Variants in MATN2 observed in about 807,000 individuals in gnomAD.
MATN2 encodes matrilin 2.
A neutral mutation model predicts 103.2 loss-of-function variants in MATN2; 69 were observed. That is an observed-to-expected ratio of 0.67 (90% CI 0.55 to 0.82). The LOEUF is 0.82. Ranked by LOEUF, MATN2 falls within the 40% of genes least tolerant of loss-of-function variation. MATN2 has a pLI of 0.00. For synonymous variants in MATN2, 429 were observed against 450.2 expected (o/e 0.95, Z 0.60); for missense variants, 1,023 against 1,211.5 (o/e 0.84, Z 2.31).
At chr8:97,973,484 C>T (rs745309384) in intron 5 of MATN2, among the ~76,000 whole-genome samples, 1 of 151,542 alleles carries the variant, frequency 6.6e-6, no homozygotes, top group Non-Finnish European at 1.5e-5. Flanking sequence ...ATTTAAAACA[C>T]ATAAATGTAT....
intron 1 of MATN2, among the ~76,000 whole-genome samples, chr8:97,880,209 G>A (rs939088201): frequency 6.6e-6 from 1 of 151,154 alleles, no homozygotes; most frequent in African/African-American, 2.4e-5. Flanking sequence ...TCAGCCTCCC[G>A]AGTAGCTGGA....
intron 11 of MATN2, among the ~76,000 whole-genome samples, chr8:98,016,993 C>T (rs772444125): frequency 2.6e-5 from 4 of 151,980 alleles, no homozygotes; most frequent in Non-Finnish European, 5.9e-5. Context: ...TCAATTTTTG[C>T]GTAAATCTAA....
chr8:98,032,854 T>C (rs1167967262), intron 16 of MATN2, among the ~76,000 whole-genome samples, 188 bp from the exon 17 acceptor site: 1 of 151,534 alleles, frequency 6.6e-6, no homozygotes, highest in Non-Finnish European at 1.5e-5. Context: ...TTTTTTGTTG[T>C]TGTTGTTTTT....
chr8:97,914,201 G>C (rs540279295), intron 2 of MATN2, among the ~76,000 whole-genome samples: 2 of 152,146 alleles, frequency 1.3e-5, no homozygotes, highest in South Asian at 4.2e-4. Flanking sequence ...GGGGAAGCAG[G>C]GTTGGGGGTC....
intron 10 of MATN2, among the ~76,000 whole-genome samples, 159 bp from the exon 11 acceptor site, chr8:98,016,381 A>C (rs967822876): frequency 6.6e-6 from 1 of 152,164 alleles, no homozygotes; most frequent in African/African-American, 2.4e-5. Context: ...TCAAAAAAGA[A>C]TTTTTGCTCA....
intron 1 of MATN2, among the ~76,000 whole-genome samples, chr8:97,885,819 T>A (rs1563645064): frequency 1.3e-5 from 2 of 151,984 alleles, no homozygotes; most frequent in African/African-American, 4.8e-5. Context: ...TTTAAATGGT[T>A]TAAAAAGGGG....
chr8:97,931,893 A>G lies in MATN2; in HGVS notation c.712+371A>G, dbSNP rs529755550. ...TATTTTTTAACTATTTGTAGAGACAACGTTTCGCCATGTTGCCCAGGCTGA... is the reference window on the plus strand; with the variant it reads ...TATTTTTTAACTATTTGTAGAGACAGCGTTTCGCCATGTTGCCCAGGCTGA... On this transcript the variant is annotated intron_variant, in intron 3 of 18. Coordinates refer to ENST00000254898, the MANE Select transcript of MATN2 (RefSeq NM_002380.5). This position sits in a 1 kb window ranked among gnomAD's most constrained non-coding sequence, Gnocchi z 4.1. 6.3e-3 allele frequency among the ~76,000 whole-genome samples: 960 copies of G among 152,152 alleles called. 3 individuals carry two copies. Among genetic ancestry groups the G allele is most frequent in the Non-Finnish European group, 0.01 (710 of 67,984 alleles).
At chr8:97,947,325 C>A (rs1300897180) in intron 4 of MATN2, among the ~76,000 whole-genome samples, 1 of 152,182 alleles carries the variant, frequency 6.6e-6, no homozygotes, top group Non-Finnish European at 1.5e-5. Flanking sequence ...GCCAAGATTG[C>A]ACCACTGCAC....
intron 2 of MATN2, among the ~76,000 whole-genome samples, chr8:97,922,507 C>T (rs541259781): frequency 6.6e-6 from 1 of 152,266 alleles, no homozygotes; most frequent in South Asian, 2.1e-4. Context: ...AAATTGAGTA[C>T]TTCAATCTTT....
intron 10 of MATN2, among the ~76,000 whole-genome samples, chr8:98,012,415 G>A (rs1813202355): frequency 6.6e-6 from 1 of 152,112 alleles, no homozygotes; most frequent in Non-Finnish European, 1.5e-5. Context: ...AGGGGGCTGT[G>A]GGAGCCTCCC....
At chr8:98,008,142 A>T (rs1251998309) in intron 10 of MATN2, among the ~76,000 whole-genome samples, 1 of 151,514 alleles carries the variant, frequency 6.6e-6, no homozygotes, top group African/African-American at 2.4e-5. Flanking sequence ...CTGCTTTCTG[A>T]CCCCGGTGAT....
At chr8:97,953,090 T>C (rs1246589484) in intron 4 of MATN2, among the ~76,000 whole-genome samples, 1 of 151,988 alleles carries the variant, frequency 6.6e-6, no homozygotes, top group Non-Finnish European at 1.5e-5. Context: ...GCCTGGCTAA[T>C]TTTTTAATTT....
intron 2 of MATN2, among the ~76,000 whole-genome samples, chr8:97,907,069 C>T (rs1429454977): frequency 2.1e-5 from 3 of 142,790 alleles, no homozygotes; most frequent in African/African-American, 5.3e-5. Context: ...GGTGCAATCT[C>T]GGCTCACTGC....
intron 3 of MATN2, among the ~76,000 whole-genome samples, chr8:97,938,894 AT>A (rs1414935674): frequency 6.6e-6 from 1 of 151,674 alleles, no homozygotes; most frequent in Non-Finnish European, 1.5e-5. Context: ...TTGTTTGTTT[AT>A]TTTTTGAGAC....
intron 1 of MATN2, among the ~76,000 whole-genome samples, chr8:97,883,867 T>A (rs907128233): frequency 1.3e-5 from 2 of 152,072 alleles, no homozygotes; most frequent in African/African-American, 4.8e-5. Flanking sequence ...TTTTTGTATT[T>A]TTTATAGAGA....
At chr8:98,012,249 C>T (rs935393505) in intron 10 of MATN2, among the ~76,000 whole-genome samples, 4 of 151,936 alleles carry the variant, frequency 2.6e-5, no homozygotes, top group Non-Finnish European at 4.4e-5. Context: ...GATGCAGATT[C>T]GGTTTGTGCC....
Position 98,033,039 on chromosome 8 carries a change from C to G in MATN2, c.2582-3C>G, listed in dbSNP as rs1158451213. 3 of 1,599,626 alleles carry G rather than the reference C, an allele frequency of 1.9e-6. No homozygotes were observed. The highest frequency in any genetic ancestry group is 2.6e-6 in the Non-Finnish European group (3 of 1,175,772). ...TTGATTGCAGTTTTCTTTCTCTTTA[C>G]AGAATCTGAGCCAGTCACCATAAAT... On this transcript the variant is annotated splice_polypyrimidine_tract_variant and splice_region_variant and intron_variant, in intron 16 of 18. Transcript: ENST00000254898.
chr8:98,021,044 C>T, intron 12 of MATN2, 161 bp from the exon 13 acceptor site: 1 of 596,808 alleles, frequency 1.7e-6, no homozygotes, highest in South Asian at 2.1e-5. Flanking sequence ...AGCTTTTTCC[C>T]CATCCTGAGT....
rs78994950 is a variant in MATN2 at position 97,929,435 on chromosome 8, G to T, written c.143-1518G>T. Among the ~76,000 whole-genome samples the T allele has an allele frequency of 2.4e-3, 371 of 152,174 alleles. 4 individuals carry two copies. The highest frequency in any genetic ancestry group is 8.6e-3 in the African/African-American group (355 of 41,520). ...AGGGAGTAGAGAATGGGGGAGGAGGGACTCACCCTGGTGAAAGGCAGTAGC... is the reference window on the plus strand; with the variant it reads ...AGGGAGTAGAGAATGGGGGAGGAGGTACTCACCCTGGTGAAAGGCAGTAGC... On this transcript the variant is annotated intron_variant, in intron 2 of 18. Transcript: ENST00000254898.
Sources: gnomAD v4.1 joint callset for allele counts (sites outside exome capture counted in the v4.1 genomes callset) on GRCh38, gnomAD v4.1.1 for gene constraint, Gnocchi (gnomAD v3.1) non-coding constraint, MANE v1.5 for transcripts, NCBI Gene and HGNC (gene_info 2026-07-23, HGNC 2026-07-21) for gene names.